SLC24A3: variants seen among roughly 807,000 people sequenced by gnomAD.
The protein encoded by SLC24A3 is sodium/potassium/calcium exchanger 3.
In SLC24A3, 28 loss-of-function variants were observed where a neutral mutation model predicts 75.8. That is an observed-to-expected ratio of 0.37 (90% CI 0.27 to 0.51). The LOEUF is 0.51. Ranked by LOEUF, SLC24A3 falls within the 20% of genes least tolerant of loss-of-function variation. SLC24A3 has a pLI of 0.94. For synonymous variants in SLC24A3, 372 were observed against 334.1 expected, an observed-to-expected ratio of 1.11 and a Z score of -1.24; for missense variants, 663 against 847.8, an observed-to-expected ratio of 0.78 and a Z score of 2.71.
chr20:19,407,671 T>A (rs1986672272), intron 2 of SLC24A3, among the ~76,000 whole-genome samples: 1 of 152,232 alleles, frequency 6.6e-6, no homozygotes, highest in African/African-American at 2.4e-5. Context: ...ACAATAGTAA[T>A]GATAGTTGTC....
intron 3 of SLC24A3, among the ~76,000 whole-genome samples, chr20:19,554,705 A>G (rs1415731794): frequency 2.0e-5 from 3 of 152,196 alleles, no homozygotes; most frequent in African/African-American, 7.2e-5. Flanking sequence ...TCCCCCACCC[A>G]GAGTAATACA....
chr20:19,296,222 A>G (rs192244897), intron 2 of SLC24A3, among the ~76,000 whole-genome samples: 3,049 of 91,386 alleles, frequency 0.033, 38 homozygotes, highest in African/African-American at 0.053. Flanking sequence ...ATCATTTTTT[A>G]TTGTGTCTAT....
Position 19,421,947 on chromosome 20 carries a change from G to A in SLC24A3, c.272-93541G>A, listed in dbSNP as rs77876330. 7.9e-5 allele frequency among the ~76,000 whole-genome samples: 12 copies of A among 152,224 alleles called. No individual in the cohort carries two copies. In the East Asian group the frequency reaches 1.9e-3, roughly 25 times the overall value. ...CTCAATACAAGATGTGTCAGGGAGC[G>A]AGTTACCACTGTGGACACCGGGAAC... On this transcript the variant is annotated intron_variant, in intron 2 of 16. Coordinates refer to ENST00000328041, the MANE Select transcript of SLC24A3 (RefSeq NM_020689.4).
intron 2 of SLC24A3, among the ~76,000 whole-genome samples, chr20:19,334,074 A>T (rs1014758979): frequency 1.3e-5 from 2 of 152,128 alleles, no homozygotes; most frequent in African/African-American, 4.8e-5. Context: ...AGAAATAGAC[A>T]AGTGTGACTA....
At chr20:19,720,869 C>T in intron 16 of SLC24A3, 122 bp from the exon 17 acceptor site, 1 of 1,080,862 alleles carries the variant, frequency 9.3e-7, no homozygotes, top group Non-Finnish European at 1.3e-6. Context: ...CAGAGAGGAT[C>T]AGCACCCTGC....
intron 15 of SLC24A3, among the ~76,000 whole-genome samples, chr20:19,713,491 C>T (rs2033011314): frequency 6.6e-6 from 1 of 152,204 alleles, no homozygotes; most frequent in Non-Finnish European, 1.5e-5. Context: ...AGAACACTGG[C>T]CTCCTTATAA....
chr20:19,465,296 A>C lies in SLC24A3; in HGVS notation c.272-50192A>C, dbSNP rs140882777. On this transcript the variant is annotated intron_variant, in intron 2 of 16. Coordinates refer to ENST00000328041, the MANE Select transcript of SLC24A3 (RefSeq NM_020689.4). ...AGAGGCCCAGGGGTCTGAGGACATC[A>C]TTGATAGCCAAGGAAGTGGACACAG... 5.2e-3 allele frequency among the ~76,000 whole-genome samples: 793 copies of C among 152,106 alleles called. 8 individuals are homozygous for C. Among genetic ancestry groups the C allele is most frequent in the African/African-American group, 0.018 (763 of 41,522 alleles).
intron 7 of SLC24A3, among the ~76,000 whole-genome samples, chr20:19,661,139 A>C (rs917887416): frequency 6.6e-6 from 1 of 152,162 alleles, no homozygotes. Context: ...CCCAGCAAAC[A>C]TAGTCCTTTC....
At chr20:19,251,322 C>T (rs1453695479) in intron 1 of SLC24A3, among the ~76,000 whole-genome samples, 1 of 152,134 alleles carries the variant, frequency 6.6e-6, no homozygotes, top group Non-Finnish European at 1.5e-5. Flanking sequence ...AGTAAGAGAG[C>T]ACTGAAGCAT....
At chr20:19,565,808 G>A (rs1600282915) in intron 3 of SLC24A3, among the ~76,000 whole-genome samples, 1 of 152,112 alleles carries the variant, frequency 6.6e-6, no homozygotes, top group African/African-American at 2.4e-5. Flanking sequence ...GAGAGTGGAG[G>A]CTGTATGATT....
intron 2 of SLC24A3, among the ~76,000 whole-genome samples, chr20:19,365,911 A>G (rs919418433): frequency 1.3e-5 from 2 of 152,134 alleles, no homozygotes; most frequent in Admixed American, 6.5e-5. Context: ...GTCCTTTATT[A>G]TCTGTTTTTT....
rs189604148 is a variant in SLC24A3, at chr20:19,327,801, A to T, written c.271+46714A>T. On this transcript the variant is annotated intron_variant, in intron 2 of 16. Transcript: ENST00000328041. ...TATGTAGAAGCGCGTTCATTCATTC[A>T]ATGTATATTTATTGGACACCCACTG... is the stretch of plus-strand genomic sequence containing the variant. 2.0e-5 allele frequency among the ~76,000 whole-genome samples: 3 copies of T among 152,186 alleles called. No individual in the cohort carries two copies. The East Asian group carries it at 5.8e-4, about 29-fold the overall frequency.
intron 4 of SLC24A3, among the ~76,000 whole-genome samples, chr20:19,584,650 C>T (rs1194530656): frequency 2.6e-5 from 4 of 152,158 alleles, no homozygotes; most frequent in African/African-American, 7.2e-5. Context: ...ACAGCCCCTG[C>T]GGGAATTGGG....
intron 6 of SLC24A3, among the ~76,000 whole-genome samples, chr20:19,635,077 G>A (rs151010042): frequency 9.0e-4 from 137 of 152,258 alleles, no homozygotes; most frequent in African/African-American, 3.2e-3. Context: ...CTTGAGTAGA[G>A]GATCTATCTC....
chr20:19,313,945 C>T (rs1185211065), intron 2 of SLC24A3, among the ~76,000 whole-genome samples: 2 of 152,134 alleles, frequency 1.3e-5, no homozygotes, highest in African/African-American at 2.4e-5. Flanking sequence ...AGGGAGAGGG[C>T]GATGCCAGAT....
chr20:19,427,642 C>T (rs1304352548), intron 2 of SLC24A3, among the ~76,000 whole-genome samples: 2 of 152,288 alleles, frequency 1.3e-5, no homozygotes, highest in African/African-American at 2.4e-5. Flanking sequence ...TTCCCACTGC[C>T]GTGCCTCTGC....
chr20:19,558,925 T>C (rs1183058371), intron 3 of SLC24A3, among the ~76,000 whole-genome samples: 1 of 152,222 alleles, frequency 6.6e-6, no homozygotes, highest in Non-Finnish European at 1.5e-5. Flanking sequence ...GGGGGTATTA[T>C]GAATAAAGCT....
rs767329477 is a variant in SLC24A3, at chr20:19,547,180, C to T, written c.348+31616C>T. 2.8e-4 allele frequency among the ~76,000 whole-genome samples: 43 copies of T among 152,236 alleles called. No individual in the cohort carries two copies. In the Middle Eastern group the frequency reaches 0.01, roughly 36 times the overall value. On this transcript the variant is annotated intron_variant, in intron 3 of 16. Coordinates refer to ENST00000328041, the MANE Select transcript of SLC24A3 (RefSeq NM_020689.4). ...TCTTAATCTACATGAGGATAGGGAC[C>T]ATGTCAATTTCATTCATCATTCCAA...
rs75293951 is a variant in SLC24A3 at position 19,242,910 on chromosome 20, T to A, written c.142+29926T>A. Among the ~76,000 whole-genome samples, 1,518 of 152,328 alleles carry A rather than the reference T, an allele frequency of 1.0e-2. 41 individuals are homozygous for A. The highest frequency in any genetic ancestry group is 0.035 in the African/African-American group (1,451 of 41,558). ...CAAATGCAATGAAAAGTAAGAATAA[T>A]CTGGAAAGGTGTGCTGTAAACAATG... On this transcript the variant is annotated intron_variant, in intron 1 of 16. Transcript: ENST00000328041.
Sources: gnomAD v4.1 joint callset for allele counts (sites outside exome capture counted in the v4.1 genomes callset) on GRCh38, gnomAD v4.1.1 for gene constraint, MANE v1.5 for transcripts, NCBI Gene and HGNC (gene_info 2026-07-23, HGNC 2026-07-21) for gene names.